The following SLC10A7 variants were observed in gnomAD, a reference collection of about 807,000 sequenced individuals.
SLC10A7 encodes solute carrier family 10 member 7.
SLC10A7 carries 29 observed loss-of-function variants against 43.2 expected under a neutral mutation model. The observed-to-expected ratio is 0.67, with a 90% CI of 0.50 to 0.92. SLC10A7 has a LOEUF of 0.92. SLC10A7 is among the 40% of genes least tolerant of loss of function. The pLI is 0.00. For synonymous variants in SLC10A7, 152 were observed against 144.8 expected (o/e 1.05, Z -0.35); for missense variants, 295 against 403.2 (o/e 0.73, Z 2.30).
chr4:146,453,400 T>A (rs757976846), intron 4 of SLC10A7, among the ~76,000 whole-genome samples: 6 of 151,984 alleles, frequency 3.9e-5, no homozygotes, highest in Non-Finnish European at 8.8e-5. Flanking sequence ...CAGGACAATA[T>A]GTGCATGTTA....
intron 5 of SLC10A7, among the ~76,000 whole-genome samples, chr4:146,407,564 G>A (rs993204159): frequency 6.6e-6 from 1 of 152,120 alleles, no homozygotes; most frequent in Admixed American, 6.5e-5. Context: ...TATTAAAGGG[G>A]GAAAAGGTGA....
chr4:146,502,109 T>C (rs975412170), intron 4 of SLC10A7, among the ~76,000 whole-genome samples: 2 of 152,188 alleles, frequency 1.3e-5, no homozygotes, highest in Non-Finnish European at 2.9e-5. Flanking sequence ...TAATAGACAT[T>C]TCACTAAAGA....
intron 8 of SLC10A7, among the ~76,000 whole-genome samples, chr4:146,293,559 T>C (rs1252891759): frequency 1.3e-5 from 2 of 152,204 alleles, no homozygotes; most frequent in Non-Finnish European, 2.9e-5. Flanking sequence ...TAGTATCATA[T>C]ATTATACATC....
At chr4:146,346,271 AAAC>A (rs1247778550) in intron 5 of SLC10A7, among the ~76,000 whole-genome samples, 1 of 152,152 alleles carries the variant, frequency 6.6e-6, no homozygotes, top group East Asian at 1.9e-4. Flanking sequence ...CAACAACAAA[AAAC>A]AACAAACAGC....
At chr4:146,289,584 G>A (rs1396968874) in intron 9 of SLC10A7, among the ~76,000 whole-genome samples, 2 of 151,670 alleles carry the variant, frequency 1.3e-5, no homozygotes, top group Non-Finnish European at 2.9e-5. Flanking sequence ...AGAATGGTTA[G>A]GTCATTGGAT....
Position 146,503,698 on chromosome 4 carries a change from GC to G in SLC10A7, c.396+150del, listed in dbSNP as rs78150340. On this transcript the variant is annotated intron_variant, in intron 4 of 11. Coordinates refer to ENST00000335472, the MANE Select transcript of SLC10A7 (RefSeq NM_001029998.6). ...CCATCATAATCAATTTTAGCATCAT[GC>G]TAGTATGTGAGTACACCTCCTTCTT... The G allele has an allele frequency of 2.9e-3, 1,857 of 643,828 alleles. 32 individuals are homozygous for G. Among genetic ancestry groups the G allele is most frequent in the South Asian group, 0.022 (1,091 of 48,884 alleles). The allele number at this position is 643,828 out of a possible 1,614,324, so 39.9% of individuals were successfully genotyped here. A position where few individuals can be genotyped will look rare whatever the true frequency, so the allele number is the denominator to read the frequency against.
intron 4 of SLC10A7, among the ~76,000 whole-genome samples, chr4:146,481,424 A>G (rs1219081935): frequency 6.6e-6 from 1 of 151,822 alleles, no homozygotes; most frequent in Non-Finnish European, 1.5e-5. Flanking sequence ...CTGCTGCTGC[A>G]CTTTGTGTCA....
chr4:146,408,285 C>T (rs1207076657), intron 5 of SLC10A7, among the ~76,000 whole-genome samples: 1 of 152,082 alleles, frequency 6.6e-6, no homozygotes, highest in Non-Finnish European at 1.5e-5. Context: ...CGGTGGCTCA[C>T]AGCTATGATC....
At chr4:146,493,886 CACTT>C (rs1735667313) in intron 4 of SLC10A7, among the ~76,000 whole-genome samples, 1 of 152,208 alleles carries the variant, frequency 6.6e-6, no homozygotes, top group South Asian at 2.1e-4. Flanking sequence ...TGTTTTATAT[CACTT>C]ACTAAACTGA....
chr4:146,426,484 G>A (rs573313464), intron 5 of SLC10A7, among the ~76,000 whole-genome samples: 10 of 152,076 alleles, frequency 6.6e-5, no homozygotes, highest in African/African-American at 9.6e-5. Flanking sequence ...TTCAAGACCC[G>A]TCTAGACAAT....
intron 5 of SLC10A7, among the ~76,000 whole-genome samples, chr4:146,441,352 T>C (rs1450201642): frequency 6.6e-6 from 1 of 152,204 alleles, no homozygotes; most frequent in Non-Finnish European, 1.5e-5. Flanking sequence ...AGTGCATGTC[T>C]CAAACTATAT....
At chr4:146,411,629 T>C (rs1352924087) in intron 5 of SLC10A7, among the ~76,000 whole-genome samples, 1 of 152,184 alleles carries the variant, frequency 6.6e-6, no homozygotes, top group Non-Finnish European at 1.5e-5. Context: ...AATGTACATA[T>C]AGGCACTTGA....
chr4:146,298,075 G>C (rs954086525), intron 7 of SLC10A7, among the ~76,000 whole-genome samples: 2 of 152,162 alleles, frequency 1.3e-5, no homozygotes, highest in Non-Finnish European at 2.9e-5. Flanking sequence ...ACAGACTCTG[G>C]AGCTACACCG....
Position 146,442,772 on chromosome 4 carries a change from T to C in SLC10A7, c.435+11A>G, listed in dbSNP as rs1395313665. On this transcript the variant is annotated intron_variant, in intron 5 of 11. Transcript: ENST00000335472. The stretch of plus-strand genomic sequence containing the variant: ...AAGTTGTAATAGACAAGTTAAACTA[T>C]GTTTACTTACCAAAAAACTTCCAAA... 8 of 1,603,590 alleles carry C rather than the reference T, an allele frequency of 5.0e-6. No homozygotes were observed. Among genetic ancestry groups the C allele is most frequent in the East Asian group, 4.5e-5 (2 of 44,496 alleles).
intron 6 of SLC10A7, among the ~76,000 whole-genome samples, chr4:146,322,364 T>TCCCCCCC (rs34494809): frequency 6.8e-5 from 7 of 102,598 alleles, no homozygotes; most frequent in Non-Finnish European, 7.6e-5. Context: ...ATGCTATCCC[T>TCCCCCCC]CCCCCCTCCC....
At chr4:146,319,093 T>A (rs1732517938) in intron 6 of SLC10A7, among the ~76,000 whole-genome samples, 1 of 152,080 alleles carries the variant, frequency 6.6e-6, no homozygotes, top group South Asian at 2.1e-4. Flanking sequence ...ATTCCTTTTA[T>A]CAAAACCCAT....
At chr4:146,519,112 T>TAAAA (rs796363964) in intron 1 of SLC10A7, among the ~76,000 whole-genome samples, 5 of 15,960 alleles carry the variant, frequency 3.1e-4, no homozygotes, top group African/African-American at 1.2e-3. Flanking sequence ...TATATATATA[T>TAAAA]AATATAATAT....
chr4:146,389,943 T>C (rs912363853), intron 5 of SLC10A7, among the ~76,000 whole-genome samples: 1 of 152,238 alleles, frequency 6.6e-6, no homozygotes, highest in Non-Finnish European at 1.5e-5. Context: ...CCTAGCTTAA[T>C]AGATGCTCAA....
chr4:146,271,635 A>G (rs961441276), intron 10 of SLC10A7, among the ~76,000 whole-genome samples: 2 of 152,066 alleles, frequency 1.3e-5, no homozygotes, highest in Admixed American at 6.5e-5. Flanking sequence ...AAAACCCCCA[A>G]TGGCTTCCCC....
Sources: allele counts gnomAD v4.1 joint callset (sites outside exome capture counted in the v4.1 genomes callset), GRCh38; gene constraint gnomAD v4.1.1; transcripts MANE v1.5; gene names NCBI Gene and HGNC (gene_info 2026-07-23, HGNC 2026-07-21).